RGS9: variants seen among roughly 807,000 people sequenced by gnomAD.
RGS9 encodes regulator of G protein signaling 9, also known as regulator of G-protein signalling 9.
A neutral mutation model predicts 102.0 loss-of-function variants in RGS9; 78 were observed. The observed-to-expected ratio is 0.76, with a 90% CI of 0.64 to 0.92. The LOEUF is 0.92. RGS9 is among the 40% of genes least tolerant of loss of function. The pLI is 0.00. For synonymous variants in RGS9, 353 were observed against 318.6 expected, an observed-to-expected ratio of 1.11 and a Z score of -1.15; for missense variants, 833 against 866.1, an observed-to-expected ratio of 0.96 and a Z score of 0.48.
At chr17:65,227,062 A>G (rs1905718898) in intron 18 of RGS9, among the ~76,000 whole-genome samples, 1 of 152,258 alleles carries the variant, frequency 6.6e-6, no homozygotes, top group Admixed American at 6.5e-5. Flanking sequence ...AAATGAAAAT[A>G]TGAATCCCCA....
intron 16 of RGS9, among the ~76,000 whole-genome samples, chr17:65,210,090 C>A (rs921527144): frequency 1.1e-4 from 16 of 152,042 alleles, no homozygotes; most frequent in African/African-American, 3.1e-4. Context: ...CTGCCCACCC[C>A]CCAACCGCCC....
At chr17:65,146,027 A>T (rs1308094909) in intron 1 of RGS9, among the ~76,000 whole-genome samples, 1 of 151,910 alleles carries the variant, frequency 6.6e-6, no homozygotes, top group Admixed American at 6.6e-5. Flanking sequence ...TTTTAAAATA[A>T]CTCTCATTAT....
At chr17:65,226,030 A>G (rs956197070) in intron 18 of RGS9, among the ~76,000 whole-genome samples, 1 of 152,188 alleles carries the variant, frequency 6.6e-6, no homozygotes, top group Non-Finnish European at 1.5e-5. Flanking sequence ...TTCTGTGAAA[A>G]TGAAAGTGCG....
At chr17:65,212,589 G>A (rs1055134178) in intron 17 of RGS9, among the ~76,000 whole-genome samples, 3 of 152,136 alleles carry the variant, frequency 2.0e-5, no homozygotes, top group Non-Finnish European at 4.4e-5. Flanking sequence ...GGGGGAAACT[G>A]TGCAAGATGA....
At chr17:65,213,447 C>T (rs1913377937) in intron 17 of RGS9, among the ~76,000 whole-genome samples, 1 of 152,114 alleles carries the variant, frequency 6.6e-6, no homozygotes, top group Non-Finnish European at 1.5e-5. Context: ...AGAATATTTG[C>T]TGTCCCTTTT....
At chr17:65,223,107 A>G (rs1905432444) in intron 17 of RGS9, among the ~76,000 whole-genome samples, 1 of 152,216 alleles carries the variant, frequency 6.6e-6, no homozygotes, top group African/African-American at 2.4e-5. Flanking sequence ...GCATGCAATA[A>G]TCCACAATAG....
chr17:65,162,892 G>A (rs897885643), intron 6 of RGS9, 121 bp from the exon 7 acceptor site: 9 of 688,768 alleles, frequency 1.3e-5, no homozygotes, highest in South Asian at 4.6e-5. Flanking sequence ...AGATACCATC[G>A]GGCTGGGTCC....
At chr17:65,201,904 C>T (rs1912863490) in intron 13 of RGS9, 89 bp from the exon 14 acceptor site, 1 of 883,312 alleles carries the variant, frequency 1.1e-6, no homozygotes, top group East Asian at 2.5e-5. Context: ...GGAATCCATC[C>T]CGGTTGACTC....
rs34132471 is a variant in RGS9, at chr17:65,219,978, A to AATC, written c.1408-5010_1408-5008dup. ...ACCATCACCATCACCATTAATACAC[A>AATC]ATCATCATCATCATCACTATCATCA... On this transcript the variant is annotated intron_variant, in intron 17 of 18. Transcript: ENST00000262406. Among the ~76,000 whole-genome samples, 55 of 146,180 alleles carry AATC rather than the reference A, an allele frequency of 3.8e-4. No homozygotes were observed. The East Asian group carries it at 0.011, about 29-fold the overall frequency.
At chr17:65,210,383 A>T in intron 16 of RGS9, 105 bp from the exon 17 acceptor site, 3 of 1,384,082 alleles carry the variant, frequency 2.2e-6, no homozygotes, top group Non-Finnish European at 3.1e-6. Flanking sequence ...GGAACAAAAT[A>T]TAGATTCTGG....
chr17:65,137,643 C>G, intron 1 of RGS9, 46 bp downstream of exon 1: 1 of 1,595,034 alleles, frequency 6.3e-7, no homozygotes, highest in Non-Finnish European at 8.6e-7. Context: ...GGCGGGGGAC[C>G]GCATCTGCGA....
chr17:65,221,139 C>T (rs1381185947), intron 17 of RGS9, among the ~76,000 whole-genome samples: 1 of 152,184 alleles, frequency 6.6e-6, no homozygotes, highest in Admixed American at 6.5e-5. Flanking sequence ...AAGAAAGGAC[C>T]ATCTCAGGCC....
chr17:65,225,972 G>A (rs1228946909), intron 18 of RGS9, among the ~76,000 whole-genome samples: 2 of 152,154 alleles, frequency 1.3e-5, no homozygotes, highest in African/African-American at 2.4e-5. Context: ...GCATCCATTG[G>A]CACAGTCTCT....
chr17:65,218,495 G>A (rs1913592634), intron 17 of RGS9, among the ~76,000 whole-genome samples: 1 of 152,190 alleles, frequency 6.6e-6, no homozygotes, highest in Admixed American at 6.5e-5. Flanking sequence ...GGTAGGGGAA[G>A]GAATGTGGAC....
chr17:65,204,061 C>T (rs758874894), intron 14 of RGS9, 102 bp from the exon 15 acceptor site: 13 of 1,411,336 alleles, frequency 9.2e-6, no homozygotes, highest in East Asian at 2.3e-5. Context: ...CCCTCACCCT[C>T]GGTAACCGAT....
chr17:65,170,998 G>A (rs573515287), intron 8 of RGS9, among the ~76,000 whole-genome samples: 16 of 152,158 alleles, frequency 1.1e-4, no homozygotes, highest in Non-Finnish European at 2.4e-4. Context: ...CTCACAGGCT[G>A]CCAGACTGTC....
At chr17:65,187,204 C>T (rs7215849) in intron 9 of RGS9, among the ~76,000 whole-genome samples, 6,564 of 152,258 alleles carry the variant, frequency 0.043, 240 homozygotes, top group African/African-American at 0.084. Flanking sequence ...TACACATTTA[C>T]TGAGCATCTA....
At position 65,153,296 on chromosome 17, in the gene RGS9, G is replaced by C. The variant is rs527240413; in HGVS notation, c.58-126G>C. 1.3e-4 allele frequency: 107 copies of C among 824,756 alleles called. No individual in the cohort carries two copies. Among genetic ancestry groups the C allele is most frequent in the Non-Finnish European group, 2.1e-4 (100 of 467,794 alleles). The allele number at this position is 824,756 out of a possible 1,614,324, so 51.1% of individuals were successfully genotyped here. On this transcript the variant is annotated intron_variant, in intron 1 of 18. Transcript: ENST00000262406. ...GTCACTCAGTGCCCACCTGGCTCCTGTACCAGATGGGGAACCCCTGTGTCC... is the reference window on the plus strand; with the variant it reads ...GTCACTCAGTGCCCACCTGGCTCCTCTACCAGATGGGGAACCCCTGTGTCC...
At chr17:65,150,133 C>T (rs774781357) in intron 1 of RGS9, among the ~76,000 whole-genome samples, 19 of 152,168 alleles carry the variant, frequency 1.2e-4, no homozygotes, top group Non-Finnish European at 2.1e-4. Flanking sequence ...CAGCCATCCA[C>T]GTTGATGTCC....
Sources: allele counts gnomAD v4.1 joint callset (sites outside exome capture counted in the v4.1 genomes callset), GRCh38; gene constraint gnomAD v4.1.1; transcripts MANE v1.5; gene names NCBI Gene and HGNC (gene_info 2026-07-23, HGNC 2026-07-21).